Variants in RGS6 observed in about 807,000 individuals in gnomAD.
The protein encoded by RGS6 is regulator of G protein signaling 6.
A neutral mutation model predicts 78.5 loss-of-function variants in RGS6; 30 were observed. The ratio of observed to expected loss-of-function variants is 0.38; its 90% CI spans 0.29 to 0.52. The LOEUF (loss-of-function observed/expected upper bound fraction) is 0.52. RGS6 is among the 20% of genes least tolerant of loss of function. The probability of loss-of-function intolerance (pLI) is 0.85; values close to 1 mark genes in which losing one functional copy is unlikely to be tolerated. For synonymous variants in RGS6, 206 were observed against 206.0 expected (o/e 1.00, Z 0.00); for missense variants, 495 against 609.7 (o/e 0.81, Z 1.98).
At chr14:72,022,375 A>G (rs922003371) in intron 2 of RGS6, 6 of 152,092 alleles carry the variant, frequency 3.9e-5, no homozygotes, top group African/African-American at 1.4e-4. Flanking sequence ...CAATGGTTGA[A>G]CTAATTTGTT....
intron 2 of RGS6, among the ~76,000 whole-genome samples, chr14:72,350,174 C>G (rs538967719): frequency 1.3e-5 from 2 of 152,156 alleles, no homozygotes; most frequent in Non-Finnish European, 1.5e-5. Flanking sequence ...TAATACTCAT[C>G]TACCTCCTGA....
At chr14:72,617,219 G>A in the RGS6 span, among the ~76,000 whole-genome samples, 2 of 152,358 alleles carry the variant, frequency 1.3e-5, no homozygotes, top group African/African-American at 4.8e-5. Flanking sequence ...TAGAGCCACA[G>A]TTTGGGGTTT....
intron 2 of RGS6, among the ~76,000 whole-genome samples, chr14:72,336,208 C>T (rs1281168984): frequency 1.3e-5 from 2 of 152,216 alleles, no homozygotes; most frequent in African/African-American, 4.8e-5. Context: ...TAAGGGTTTA[C>T]ATTTATTCCT....
chr14:72,266,666 T>G (rs1031338957), intron 2 of RGS6, among the ~76,000 whole-genome samples: 3 of 151,892 alleles, frequency 2.0e-5, no homozygotes, highest in Non-Finnish European at 2.9e-5. Flanking sequence ...GGCATCAGGG[T>G]TTTTGCAGCA....
chr14:72,495,597 C>G (rs193237301), intron 13 of RGS6, among the ~76,000 whole-genome samples: 9 of 152,086 alleles, frequency 5.9e-5, no homozygotes, highest in African/African-American at 2.2e-4. Flanking sequence ...ATAGCTGGCA[C>G]GTATTCTGCA....
At chr14:72,042,297 T>G (rs2092484683) in intron 2 of RGS6, among the ~76,000 whole-genome samples, 1 of 151,938 alleles carries the variant, frequency 6.6e-6, no homozygotes, top group Non-Finnish European at 1.5e-5. Flanking sequence ...CTGGCTAATT[T>G]TTTGTATTTT....
intron 2 of RGS6, among the ~76,000 whole-genome samples, chr14:72,236,737 C>T (rs973460562): frequency 5.3e-5 from 8 of 152,082 alleles, no homozygotes; most frequent in Admixed American, 4.6e-4. Flanking sequence ...CAGAGGTGCT[C>T]CTCACTTCCC....
intron 2 of RGS6, among the ~76,000 whole-genome samples, chr14:71,974,869 C>A (rs1303000091): frequency 6.6e-6 from 1 of 152,258 alleles, no homozygotes; most frequent in South Asian, 2.1e-4. Flanking sequence ...GGGCCAGGCA[C>A]GTTGGCTTAC....
intron 2 of RGS6, among the ~76,000 whole-genome samples, chr14:72,013,271 CAAAAAAAAA>C (rs59579709): frequency 6.9e-4 from 53 of 77,060 alleles, no homozygotes; most frequent in Admixed American, 3.0e-3. Flanking sequence ...ACTCCGTCTC[CAAAAAAAAA>C]AAAAAAAAAA....
At chr14:72,079,644 T>G (rs2094734543) in intron 2 of RGS6, among the ~76,000 whole-genome samples, 1 of 152,156 alleles carries the variant, frequency 6.6e-6, no homozygotes, top group Non-Finnish European at 1.5e-5. Flanking sequence ...TAACTCATTC[T>G]TCATACCTCA....
At chr14:72,004,086 A>G (rs544730636) in intron 2 of RGS6, among the ~76,000 whole-genome samples, 2 of 152,276 alleles carry the variant, frequency 1.3e-5, no homozygotes, top group African/African-American at 4.8e-5. Flanking sequence ...AATGCTTCCA[A>G]AGCTCCCCAG....
the RGS6 span, among the ~76,000 whole-genome samples, chr14:71,882,949 G>T: frequency 1.2e-3 from 185 of 152,252 alleles, no homozygotes; most frequent in African/African-American, 4.1e-3. Context: ...ACCCTTGTTT[G>T]GGTGTTAATG....
chr14:72,335,326 C>T (rs2075831220), intron 2 of RGS6, among the ~76,000 whole-genome samples: 1 of 152,130 alleles, frequency 6.6e-6, no homozygotes, highest in South Asian at 2.1e-4. Flanking sequence ...CTACTGACTG[C>T]CCCCATCCCT....
At chr14:72,599,534 G>A in the RGS6 span, among the ~76,000 whole-genome samples, 4 of 144,330 alleles carry the variant, frequency 2.8e-5, no homozygotes, top group African/African-American at 7.7e-5. Context: ...TCAACCTCCC[G>A]AGTAGCTGGG....
At chr14:72,384,657 A>G (rs1423752530) in intron 3 of RGS6, among the ~76,000 whole-genome samples, 1 of 152,206 alleles carries the variant, frequency 6.6e-6, no homozygotes, top group Admixed American at 6.5e-5. Context: ...CCCGAGTGTC[A>G]GTAGGAAATC....
intron 15 of RGS6, among the ~76,000 whole-genome samples, chr14:72,522,568 G>T (rs1013837247): frequency 6.6e-6 from 1 of 152,230 alleles, no homozygotes; most frequent in Non-Finnish European, 1.5e-5. Context: ...TACAAAAGCA[G>T]CTACAATGCA....
At chr14:72,190,505 A>G (rs922295670) in intron 2 of RGS6, among the ~76,000 whole-genome samples, 3 of 152,192 alleles carry the variant, frequency 2.0e-5, no homozygotes, top group African/African-American at 7.2e-5. Context: ...ATTGGTGGCT[A>G]CTTAGCAACA....
chr14:72,207,986 G>T (rs2043097276), intron 2 of RGS6, among the ~76,000 whole-genome samples: 1 of 152,152 alleles, frequency 6.6e-6, no homozygotes, highest in African/African-American at 2.4e-5. Flanking sequence ...ATGTGTTTGA[G>T]GCTGCAGTTG....
intron 2 of RGS6, among the ~76,000 whole-genome samples, chr14:72,247,672 G>C (rs1254737067): frequency 1.3e-5 from 2 of 152,218 alleles, no homozygotes; most frequent in Non-Finnish European, 2.9e-5. Context: ...GATCTTCAAA[G>C]AGTAATTTGG....
Sources: allele counts gnomAD v4.1 joint callset (sites outside exome capture counted in the v4.1 genomes callset), GRCh38; gene constraint gnomAD v4.1.1; transcripts MANE v1.5; gene names NCBI Gene and HGNC (gene_info 2026-07-23, HGNC 2026-07-21).